RSPH3: variants seen among roughly 807,000 people sequenced by gnomAD.
RSPH3 encodes radial spoke head protein 3 homolog.
In RSPH3, 21 loss-of-function variants were observed where a neutral mutation model predicts 43.8. The observed-to-expected ratio is 0.48, with a 90% CI of 0.34 to 0.69. The LOEUF (loss-of-function observed/expected upper bound fraction) is 0.69. RSPH3 is among the 30% of genes least tolerant of loss of function. RSPH3 has a pLI of 0.01. For missense variants in RSPH3, 487 were observed against 516.0 expected, an observed-to-expected ratio of 0.94 and a Z score of 0.54; for synonymous variants, 173 against 179.8, an observed-to-expected ratio of 0.96 and a Z score of 0.30.
chr6:158,971,370 C>T (rs1017977705), downstream of RSPH3, among the ~76,000 whole-genome samples: 4 of 152,140 alleles, frequency 2.6e-5, no homozygotes, highest in African/African-American at 9.7e-5. Flanking sequence ...GCAATTCTGG[C>T]CTGCATTCAC....
rs1778796165 is a variant in RSPH3, at chr6:158,999,802, T to C, written c.-252A>G. On this transcript the variant is annotated 5_prime_UTR_variant, in exon 1 of 8. Transcript: ENST00000367069. ...GCATCGGTTGCCCAGCAACCCAGGGTTCTGTCTGGGGGCGGGAACTCCGGG... is the reference window on the plus strand; with the variant it reads ...GCATCGGTTGCCCAGCAACCCAGGGCTCTGTCTGGGGGCGGGAACTCCGGG... 1 of 1,611,686 alleles carries C rather than the reference T, an allele frequency of 6.2e-7. No homozygotes were observed. The highest frequency in any genetic ancestry group is 1.7e-5 in the Admixed American group (1 of 59,824).
In RSPH3 at chr6:158,993,845, C is replaced by A; in HGVS notation, c.198G>T (p.Gly66=). ...IRGNTYALQT[G]PLLGRPDSLE... is the part of the protein sequence containing the mutation. Reference sequence around the variant, plus strand: ...CTATTCAAACTGAACTTACCAGTGGCCCTGTCTGGAGTGCATAAGTGTTAC... The same window carrying A: ...CTATTCAAACTGAACTTACCAGTGGACCTGTCTGGAGTGCATAAGTGTTAC... The change falls in exon 2 of 8, where the codon GGG becomes GGT. Residue 66 remains glycine, a synonymous_variant. Transcript: ENST00000367069. 1.3e-6 allele frequency: 2 copies of A among 1,587,950 alleles called. No individual in the cohort carries two copies. Among genetic ancestry groups the A allele is most frequent in the African/African-American group, 1.3e-5 (1 of 74,520 alleles).
At position 158,993,900 on chromosome 6, in the gene RSPH3, T is replaced by C; in HGVS notation, c.143A>G (p.Asn48Ser). 1 of 1,608,894 alleles carries C rather than the reference T, an allele frequency of 6.2e-7. No individual in the cohort carries two copies. ...AATTACCCTTCTGTCATACATTATG[T>C]TTCCATAATGCATAGGTTCTTCATC... ...QPDEEPMHYGNIMYDRRVIRG... is the reference protein window; with the variant it reads ...QPDEEPMHYGSIMYDRRVIRG... Residue 48 changes from asparagine (N) to serine (S), a missense_variant, in exon 2 of 8, where the codon AAC becomes AGC. By Grantham distance (46) the Asn-to-Ser change is conservative (BLOSUM62 1). Coordinates refer to ENST00000367069, the MANE Select transcript of RSPH3 (RefSeq NM_031924.8).
Position 158,989,811 on chromosome 6 carries a change from C to A in RSPH3, c.205-3390G>T, listed in dbSNP as rs1778349571. ...AGATAAATCCTTGCGATGGTTAATA[C>A]TGAGTGTCAACTTGATTGGATTGAA... On this transcript the variant is annotated intron_variant, in intron 2 of 7. Coordinates refer to ENST00000367069, the MANE Select transcript of RSPH3 (RefSeq NM_031924.8). This position sits in a 1 kb window ranked among gnomAD's most constrained non-coding sequence, Gnocchi z 4.3. Among the ~76,000 whole-genome samples, 1 of 152,142 alleles carries A rather than the reference C, an allele frequency of 6.6e-6. No homozygotes were observed. Among genetic ancestry groups the A allele is most frequent in the Non-Finnish European group, 1.5e-5 (1 of 68,026 alleles).
chr6:158,978,679 G>A (rs1048895656), intron 6 of RSPH3, among the ~76,000 whole-genome samples: 6 of 152,104 alleles, frequency 3.9e-5, no homozygotes, highest in Non-Finnish European at 7.4e-5. Flanking sequence ...TAGCTGGGAC[G>A]ACAGGCACAC....
chr6:158,997,125 A>G (rs576685782), intron 1 of RSPH3, among the ~76,000 whole-genome samples: 1 of 152,222 alleles, frequency 6.6e-6, no homozygotes, highest in East Asian at 1.9e-4. Context: ...AGCCCTCACT[A>G]GAAGGCAAGC....
chr6:158,980,395 C>T (rs1777993821), intron 6 of RSPH3, among the ~76,000 whole-genome samples: 2 of 151,436 alleles, frequency 1.3e-5, no homozygotes, highest in African/African-American at 4.9e-5. Flanking sequence ...CGCCACTACA[C>T]TCCATCCTGG....
At chr6:158,990,605 C>G (rs1436365152) in intron 2 of RSPH3, 2 of 151,810 alleles carry the variant, frequency 1.3e-5, no homozygotes, top group Non-Finnish European at 2.9e-5. Context: ...AATCATTGTT[C>G]TCCTTTAGCT....
chr6:158,988,174 C>T (rs748257602), intron 2 of RSPH3: 4 of 152,042 alleles, frequency 2.6e-5, no homozygotes, highest in Non-Finnish European at 4.4e-5. Flanking sequence ...TCTTTCAGCA[C>T]TTTGAAAATA....
intron 2 of RSPH3, among the ~76,000 whole-genome samples, chr6:158,993,466 G>C (rs982844584): frequency 7.0e-6 from 1 of 143,698 alleles, no homozygotes; most frequent in Admixed American, 7.0e-5. Flanking sequence ...CTTTTTTTGT[G>C]GTAAAACACA....
At chr6:158,996,862 A>G (rs1033257980) in intron 1 of RSPH3, among the ~76,000 whole-genome samples, 1 of 152,198 alleles carries the variant, frequency 6.6e-6, no homozygotes, top group Non-Finnish European at 1.5e-5. Context: ...TTAATTTCCA[A>G]TATGGCAGTG....
chr6:158,983,865 A>G, intron 3 of RSPH3, 58 bp from the exon 4 acceptor site: 1 of 1,232,900 alleles, frequency 8.1e-7, no homozygotes, highest in Non-Finnish European at 1.2e-6. Context: ...CAGGCATGGT[A>G]GTTCATGCCC....
Position 158,980,671 on chromosome 6 carries a change from TAG to T in RSPH3, c.859+101_859+102del. 4 of 931,084 alleles carry T rather than the reference TAG, an allele frequency of 4.3e-6. No homozygotes were observed. In the South Asian group the frequency reaches 5.1e-5, roughly 12 times the overall value. 57.7% of individuals were successfully genotyped at this position (931,084 alleles called of 1,614,324 possible). A position where few individuals can be genotyped will look rare whatever the true frequency, so the allele number is the denominator to read the frequency against. On this transcript the variant is annotated intron_variant, in intron 6 of 7. Coordinates refer to ENST00000367069, the MANE Select transcript of RSPH3 (RefSeq NM_031924.8). ...ACTAAAATTGACTTTGTGTCAGAAA[TAG>T]AAAGACTCCAATTCAAAATAAAAAT...
At chr6:158,984,229 T>C (rs910811914) in intron 3 of RSPH3, among the ~76,000 whole-genome samples, 5 of 151,724 alleles carry the variant, frequency 3.3e-5, no homozygotes, top group Admixed American at 3.3e-4. Context: ...AAATAAGTAT[T>C]AGAATAAAAG....
Position 158,977,497 on chromosome 6 carries a change from A to G in RSPH3, c.*41T>C, listed in dbSNP as rs1463220647. 1 of 1,535,558 alleles carries G rather than the reference A, an allele frequency of 6.5e-7. No homozygotes were observed. Among genetic ancestry groups the G allele is most frequent in the South Asian group, 1.2e-5 (1 of 80,370 alleles). ...CACATCATTACCTGATTGCTTGCTG[A>G]CTTGGCTGTTGATTGGTTTCATGAC... is the stretch of plus-strand genomic sequence containing the variant. On this transcript the variant is annotated 3_prime_UTR_variant, in exon 8 of 8. Transcript: ENST00000367069.
chr6:158,977,920 CT>C, intron 7 of RSPH3, 72 bp from the exon 8 acceptor site: 1 of 1,309,736 alleles, frequency 7.6e-7, no homozygotes, highest in South Asian at 1.4e-5. Flanking sequence ...ATAATGCTCA[CT>C]TATAGATGAT....
chr6:158,986,171 T>G, intron 3 of RSPH3, 109 bp downstream of exon 3: 1 of 1,035,940 alleles, frequency 9.7e-7, no homozygotes. Flanking sequence ...CGGGGAAGTA[T>G]CAGAGAGCAC....
At chr6:158,983,526 T>C (rs939686650) in intron 4 of RSPH3, 136 bp downstream of exon 4, 8 of 734,566 alleles carry the variant, frequency 1.1e-5, no homozygotes, top group African/African-American at 7.1e-5. Flanking sequence ...AAAACCATTA[T>C]AGATAATATC....
rs1749263097 is a variant in RSPH3 at position 158,982,696 on chromosome 6, A to G, written c.493-8T>C. 2 of 1,598,308 alleles carry G rather than the reference A, an allele frequency of 1.3e-6. No individual in the cohort carries two copies. Among genetic ancestry groups the G allele is most frequent in the African/African-American group, 1.3e-5 (1 of 74,396 alleles). ...AAGATCAAAGTCAAAGAGCTTAAAC[A>G]TACAAAATAAAGCAAACTTAAAATT... On this transcript the variant is annotated splice_region_variant and splice_polypyrimidine_tract_variant and intron_variant, in intron 4 of 7. Coordinates refer to ENST00000367069, the MANE Select transcript of RSPH3 (RefSeq NM_031924.8).
Sources: gnomAD v4.1 joint callset for allele counts (sites outside exome capture counted in the v4.1 genomes callset) on GRCh38, gnomAD v4.1.1 for gene constraint, Gnocchi (gnomAD v3.1) non-coding constraint, MANE v1.5 for transcripts, NCBI Gene and HGNC (gene_info 2026-07-23, HGNC 2026-07-21) for gene names.